CYP2J2: variants seen among roughly 807,000 people sequenced by gnomAD.
CYP2J2 encodes the protein cytochrome P450 2J2.
CYP2J2 carries 41 observed loss-of-function variants against 48.8 expected under a neutral mutation model. The observed-to-expected ratio is 0.84, with a 90% CI of 0.66 to 1.09. The LOEUF (loss-of-function observed/expected upper bound fraction) is 1.09. Ranked by LOEUF, CYP2J2 falls within the 50% of genes least tolerant of loss-of-function variation. The pLI, the probability that CYP2J2 is intolerant of heterozygous loss-of-function variation, is 0.00. For missense variants in CYP2J2, 644 were observed against 617.3 expected (o/e 1.04, Z -0.46); for synonymous variants, 221 against 227.1 (o/e 0.97, Z 0.24).
intron 7 of CYP2J2, among the ~76,000 whole-genome samples, chr1:59,903,752 G>A (rs1644340751): frequency 6.6e-6 from 1 of 152,182 alleles, no homozygotes; most frequent in African/African-American, 2.4e-5. Context: ...ATAGGGAGAT[G>A]CCTTTAAAAT....
At chr1:59,950,178 T>G in the CYP2J2 span, among the ~76,000 whole-genome samples, 1 of 152,152 alleles carries the variant, frequency 6.6e-6, no homozygotes, top group Admixed American at 6.5e-5. Flanking sequence ...CCCATACAGT[T>G]TGGGTTAGAG....
At chr1:59,939,210 G>T in the CYP2J2 span, among the ~76,000 whole-genome samples, 1 of 152,244 alleles carries the variant, frequency 6.6e-6, no homozygotes, top group South Asian at 2.1e-4. Context: ...GTCTTGGCTT[G>T]TTTGTATCCG....
chr1:59,936,164 T>G, the CYP2J2 span, among the ~76,000 whole-genome samples: 2 of 152,230 alleles, frequency 1.3e-5, no homozygotes, highest in Non-Finnish European at 2.9e-5. Flanking sequence ...ACTATTTCAC[T>G]AAATTCTTAG....
chr1:59,952,535 G>C, the CYP2J2 span, among the ~76,000 whole-genome samples: 1 of 152,198 alleles, frequency 6.6e-6, no homozygotes, highest in East Asian at 1.9e-4. Context: ...AGTGAGGGCA[G>C]CCGAAAGCGG....
Position 59,922,068 on chromosome 1 carries a change from A to AC in CYP2J2, c.210+4468dup, listed in dbSNP as rs547233621. ...GGCATCGCAGGTCCAGAAGGTCGTGACCCCCCTGGACCCAGCTTTCACTAT... is the reference window on the plus strand; with the variant it reads ...GGCATCGCAGGTCCAGAAGGTCGTGACCCCCCCTGGACCCAGCTTTCACTAT... On this transcript the variant is annotated intron_variant, in intron 1 of 8. Coordinates refer to ENST00000371204, the MANE Select transcript of CYP2J2 (RefSeq NM_000775.4). Among the ~76,000 whole-genome samples the AC allele has an allele frequency of 1.5e-3, 227 of 151,644 alleles. 1 individual carries two copies. Among genetic ancestry groups the AC allele is most frequent in the Non-Finnish European group, 2.6e-3 (174 of 67,916 alleles).
chr1:59,904,761 G>A lies in CYP2J2; in HGVS notation c.1191+110C>T, dbSNP rs953694195. On this transcript the variant is annotated intron_variant, in intron 7 of 8. Coordinates refer to ENST00000371204, the MANE Select transcript of CYP2J2 (RefSeq NM_000775.4). ...AAATCTAGTATTATATCAGGTATAA[G>A]ATATCTTTTTCTTCCATTTAAATGA... is the stretch of plus-strand genomic sequence containing the variant. 2.9e-5 allele frequency: 26 copies of A among 891,440 alleles called. No homozygotes were observed. The African/African-American group carries it at 3.4e-4, about 12-fold the overall frequency. The allele number at this position is 891,440 out of a possible 1,614,324, so 55.2% of individuals were successfully genotyped here.
In CYP2J2 at chr1:59,911,782, A is replaced by G. The variant is rs903907842; in HGVS notation, c.524-14T>C. ...CAAAAGGCTGTCCTGAAGGTGGAGG[A>G]AGGGCAAGATGGATCCTTCTGATGG... On this transcript the variant is annotated splice_polypyrimidine_tract_variant and intron_variant, in intron 3 of 8. Transcript: ENST00000371204. 1 of 1,610,274 alleles carries G rather than the reference A, an allele frequency of 6.2e-7. No individual in the cohort carries two copies. Among genetic ancestry groups the G allele is most frequent in the Non-Finnish European group, 8.5e-7 (1 of 1,178,186 alleles).
the CYP2J2 span, among the ~76,000 whole-genome samples, chr1:59,935,021 T>TATATATATATATATATATATATAC: frequency 3.0e-3 from 144 of 48,030 alleles, 3 homozygotes; most frequent in Non-Finnish European, 5.2e-3. Flanking sequence ...TATACATATA[T>TATATATATATATATATATATATAC]ATATATATAT....
At chr1:59,969,061 G>A in the CYP2J2 span, among the ~76,000 whole-genome samples, 16 of 152,268 alleles carry the variant, frequency 1.1e-4, no homozygotes, top group Non-Finnish European at 2.1e-4. Context: ...GTGGGCTCGT[G>A]GTCTTGCTGG....
chr1:59,948,001 A>G, the CYP2J2 span, among the ~76,000 whole-genome samples: 1 of 152,208 alleles, frequency 6.6e-6, no homozygotes, highest in African/African-American at 2.4e-5. Context: ...TGCATCTCCC[A>G]GACCCCTAAG....
the CYP2J2 span, among the ~76,000 whole-genome samples, chr1:59,951,295 A>G: frequency 6.6e-6 from 1 of 152,174 alleles, no homozygotes. Flanking sequence ...TCTCCAGACT[A>G]CATGGTTTTA....
the CYP2J2 span, among the ~76,000 whole-genome samples, chr1:59,937,806 T>C: frequency 2.0e-5 from 3 of 152,212 alleles, no homozygotes; most frequent in East Asian, 1.9e-4. Context: ...TACCCCATCT[T>C]TGAGGTCACT....
At chr1:59,953,835 T>C in the CYP2J2 span, among the ~76,000 whole-genome samples, 1 of 152,262 alleles carries the variant, frequency 6.6e-6, no homozygotes, top group African/African-American at 2.4e-5. Flanking sequence ...GTGGTAGTAG[T>C]AAGGGTCATA....
intron 7 of CYP2J2, chr1:59,904,626 C>G: frequency 2.2e-6 from 1 of 446,184 alleles, no homozygotes; most frequent in East Asian, 4.5e-5. Context: ...CACTGAGAGG[C>G]CCCACAGGAA....
intron 1 of CYP2J2, 31 bp from the exon 2 acceptor site, chr1:59,916,131 T>A (rs867233840): frequency 6.3e-7 from 1 of 1,581,932 alleles, no homozygotes. Context: ...AACAGTTGAA[T>A]ATGCACATGT....
At chr1:59,906,092 A>C (rs1056619094) in intron 6 of CYP2J2, among the ~76,000 whole-genome samples, 1 of 152,194 alleles carries the variant, frequency 6.6e-6, no homozygotes, top group African/African-American at 2.4e-5. Flanking sequence ...AGGCTGAGGC[A>C]GGAGAATGGC....
the CYP2J2 span, among the ~76,000 whole-genome samples, chr1:59,953,819 G>C: frequency 6.6e-6 from 1 of 152,218 alleles, no homozygotes; most frequent in African/African-American, 2.4e-5. Flanking sequence ...AGTGGAAGAT[G>C]AGCCTGTGGT....
the CYP2J2 span, among the ~76,000 whole-genome samples, chr1:59,968,951 G>T: frequency 6.6e-6 from 1 of 152,144 alleles, no homozygotes; most frequent in Non-Finnish European, 1.5e-5. Context: ...CCTTCTGGTG[G>T]GTTATGTGGT....
chr1:59,893,942 G>A (rs1644247141), intron 8 of CYP2J2, 113 bp from the exon 9 acceptor site: 1 of 1,003,516 alleles, frequency 1.0e-6, no homozygotes, highest in Non-Finnish European at 1.4e-6. Context: ...AGGGCCTGTA[G>A]GCCCCAGGGT....
Sources: allele counts gnomAD v4.1 joint callset (sites outside exome capture counted in the v4.1 genomes callset), GRCh38; gene constraint gnomAD v4.1.1; transcripts MANE v1.5; gene names NCBI Gene and HGNC (gene_info 2026-07-23, HGNC 2026-07-21).